The following SEMA3A variants were observed in gnomAD, a reference collection of about 807,000 sequenced individuals.
SEMA3A encodes semaphorin 3A.
SEMA3A carries 29 observed loss-of-function variants against 97.9 expected under a neutral mutation model. The ratio of observed to expected loss-of-function variants is 0.30; its 90% CI spans 0.22 to 0.40. The LOEUF is 0.40. Ranked by LOEUF, SEMA3A falls within the 10% of genes least tolerant of loss-of-function variation. The pLI is 1.00. For missense variants in SEMA3A, 763 were observed against 951.3 expected (o/e 0.80, Z 2.60); for synonymous variants, 321 against 323.7 (o/e 0.99, Z 0.09).
intron 1 of SEMA3A, among the ~76,000 whole-genome samples, chr7:84,148,084 AT>A (rs142942034): frequency 0.094 from 13,895 of 147,226 alleles, 1,217 homozygotes; most frequent in African/African-American, 0.23. Flanking sequence ...TAATTTTTGT[AT>A]TTTTTTTTTA....
At chr7:84,044,999 G>A (rs1234447986) in intron 6 of SEMA3A, among the ~76,000 whole-genome samples, 2 of 152,008 alleles carry the variant, frequency 1.3e-5, no homozygotes, top group African/African-American at 4.8e-5. Flanking sequence ...GGAGGGAAGA[G>A]ATGCTGATTG....
At chr7:84,330,224 CTG>C in intron 2 of SEMA3A, among the ~76,000 whole-genome samples, 1 of 151,958 alleles carries the variant, frequency 6.6e-6, no homozygotes, top group East Asian at 1.9e-4. Flanking sequence ...TATAACAAAC[CTG>C]CACATGTACC....
chr7:84,339,938 T>C (rs1268433763), intron 2 of SEMA3A, among the ~76,000 whole-genome samples: 2 of 152,046 alleles, frequency 1.3e-5, no homozygotes, highest in African/African-American at 2.4e-5. Flanking sequence ...GGGGAAAAAT[T>C]ATAATCCTCA....
chr7:84,019,548 T>C (rs934395748), intron 6 of SEMA3A, among the ~76,000 whole-genome samples: 1 of 152,158 alleles, frequency 6.6e-6, no homozygotes, highest in Non-Finnish European at 1.5e-5. Flanking sequence ...AATACAAATA[T>C]GTACTTTAAA....
At chr7:84,194,438 T>C (rs1798152760) in intron 1 of SEMA3A, 37 bp downstream of exon 1, 1 of 1,423,514 alleles carries the variant, frequency 7.0e-7, no homozygotes. Context: ...GGGCGGTTAT[T>C]ACAAAGCTAA....
At chr7:84,131,648 A>T (rs1795964128) in intron 2 of SEMA3A, among the ~76,000 whole-genome samples, 1 of 152,208 alleles carries the variant, frequency 6.6e-6, no homozygotes, top group Admixed American at 6.5e-5. Flanking sequence ...AGAATTATTA[A>T]TAACAAACCA....
rs538974210 is a variant in SEMA3A at position 84,297,856 on chromosome 7, T to C, written c.-83+9351A>G. Reference sequence around the variant, plus strand: ...ATGAAACCCAGATGAGCTGCAACTGTATTTCAGTCTATACTCCCACTTCAG... The same window carrying C: ...ATGAAACCCAGATGAGCTGCAACTGCATTTCAGTCTATACTCCCACTTCAG... On this transcript the variant is annotated intron_variant, in intron 3 of 3. Coordinates refer to the SEMA3A transcript ENST00000424555. Among the ~76,000 whole-genome samples the C allele has an allele frequency of 3.9e-5, 6 of 152,308 alleles. No homozygotes were observed. In the South Asian group the frequency reaches 1.2e-3, roughly 32 times the overall value.
At position 84,206,563 on chromosome 7, in the gene SEMA3A, C is replaced by G. The variant is rs1211848869; in HGVS notation, c.-82-11895G>C. On this transcript the variant is annotated intron_variant, in intron 3 of 3. Coordinates refer to the SEMA3A transcript ENST00000424555. The stretch of plus-strand genomic sequence containing the variant: ...GGTTGCGATCTCCTGACCTCGTGAT[C>G]CGCCCGCCTCGGCCTCCCAAAGTGC... 2.0e-5 allele frequency among the ~76,000 whole-genome samples: 3 copies of G among 152,038 alleles called. No homozygotes were observed. In the East Asian group the frequency reaches 5.8e-4, roughly 29 times the overall value.
chr7:84,468,280 A>G (rs1806056512), intron 1 of SEMA3A, among the ~76,000 whole-genome samples: 1 of 152,204 alleles, frequency 6.6e-6, no homozygotes, highest in African/African-American at 2.4e-5. Context: ...GCCAGTATGC[A>G]GAGCCCTTTT....
intron 2 of SEMA3A, among the ~76,000 whole-genome samples, chr7:84,331,570 C>G (rs1801909498): frequency 6.6e-6 from 1 of 152,030 alleles, no homozygotes; most frequent in Non-Finnish European, 1.5e-5. Context: ...CCAAGAGAAT[C>G]AGATTTCCAA....
At chr7:84,328,569 A>C (rs1468845545) in intron 2 of SEMA3A, among the ~76,000 whole-genome samples, 6 of 152,070 alleles carry the variant, frequency 3.9e-5, no homozygotes. Flanking sequence ...TTTTGATGAG[A>C]TAGACTCTTA....
intron 1 of SEMA3A, among the ~76,000 whole-genome samples, chr7:84,420,974 T>C (rs377348244): frequency 1.8e-4 from 27 of 152,208 alleles, no homozygotes; most frequent in African/African-American, 4.1e-4. Context: ...AAGGATTTTT[T>C]GTGTCTCTAT....
intron 3 of SEMA3A, among the ~76,000 whole-genome samples, chr7:84,217,962 G>C (rs1182042767): frequency 6.6e-6 from 1 of 151,776 alleles, no homozygotes; most frequent in Non-Finnish European, 1.5e-5. Flanking sequence ...GTATGCACCT[G>C]TAGTCCCAGC....
chr7:84,307,992 A>G (rs1341244626), intron 2 of SEMA3A, among the ~76,000 whole-genome samples: 1 of 152,094 alleles, frequency 6.6e-6, no homozygotes, highest in Non-Finnish European at 1.5e-5. Context: ...GATTTAATAT[A>G]TTTGAAAAAA....
rs183992441 is a variant in SEMA3A, at chr7:84,171,373, C to T, written c.112+23102G>A. Among the ~76,000 whole-genome samples the T allele has an allele frequency of 2.2e-4, 33 of 152,202 alleles. No individual in the cohort carries two copies. In the East Asian group the frequency reaches 5.8e-3, roughly 27 times the overall value. ...AGAAAGATTTGCACTTCTTCACTGG[C>T]AATTTCAGTGTTCAAACTGAGGGAC... On this transcript the variant is annotated intron_variant, in intron 1 of 16. Transcript: ENST00000265362.
chr7:84,344,300 A>G (rs140064674), intron 2 of SEMA3A, among the ~76,000 whole-genome samples: 1 of 152,280 alleles, frequency 6.6e-6, no homozygotes, highest in African/African-American at 2.4e-5. Context: ...AGAAAAACAA[A>G]CACAAAATAC....
At chr7:84,023,459 T>C (rs1195130951) in intron 6 of SEMA3A, among the ~76,000 whole-genome samples, 2 of 152,084 alleles carry the variant, frequency 1.3e-5, no homozygotes, top group Admixed American at 6.6e-5. Flanking sequence ...TACATATTGG[T>C]TTTCTAGGAC....
intron 1 of SEMA3A, among the ~76,000 whole-genome samples, chr7:84,475,632 T>A (rs896466420): frequency 2.0e-5 from 3 of 152,088 alleles, no homozygotes; most frequent in Non-Finnish European, 4.4e-5. Flanking sequence ...AAGTCGGAGG[T>A]GCCCCTATTT....
At chr7:84,043,559 G>A (rs190061178) in intron 6 of SEMA3A, among the ~76,000 whole-genome samples, 188 of 152,144 alleles carry the variant, frequency 1.2e-3, no homozygotes, top group Non-Finnish European at 3.4e-4. Flanking sequence ...TCTGGAACAC[G>A]TATGATTGTA....
Sources: gnomAD v4.1 joint callset for allele counts (sites outside exome capture counted in the v4.1 genomes callset) on GRCh38, gnomAD v4.1.1 for gene constraint, MANE v1.5 for transcripts, NCBI Gene and HGNC (gene_info 2026-07-23, HGNC 2026-07-21) for gene names.